Variants in CXADR observed in about 807,000 individuals in gnomAD.
CXADR encodes coxsackievirus and adenovirus receptor.
CXADR carries 20 observed loss-of-function variants against 40.3 expected under a neutral mutation model. The ratio of observed to expected loss-of-function variants is 0.50; its 90% CI spans 0.35 to 0.72. CXADR has a LOEUF of 0.72. Among genes scored for constraint, CXADR ranks in the 30% least tolerant of loss-of-function variants. The pLI is 0.01. For missense variants in CXADR, 332 were observed against 449.1 expected, an observed-to-expected ratio of 0.74 and a Z score of 2.36; for synonymous variants, 150 against 161.3, an observed-to-expected ratio of 0.93 and a Z score of 0.53.
chr21:17,561,345 T>C lies in CXADR; in HGVS notation c.702T>C (p.Asn234=). Residue 234 remains asparagine, a synonymous_variant, in exon 6 of 7, where the codon AAT becomes AAC. Coordinates refer to ENST00000284878, the MANE Select transcript of CXADR (RefSeq NM_001338.5). ...LLRLNVVPPS[N]KAGLIAGAII... ...TAATTCTTCTTATTTTAGCTTCAAA[T>C]AAAGCTGGACTAATTGCAGGAGCCA... 1.3e-6 allele frequency: 2 copies of C among 1,568,494 alleles called. No homozygotes were observed. Among genetic ancestry groups the C allele is most frequent in the Non-Finnish European group, 1.7e-6 (2 of 1,157,508 alleles).
At chr21:17,616,076 C>T in the CXADR span, among the ~76,000 whole-genome samples, 3 of 151,846 alleles carry the variant, frequency 2.0e-5, no homozygotes, top group Non-Finnish European at 2.9e-5. Context: ...CATGGTGAAA[C>T]CCCATCTCTA....
In CXADR at chr21:17,566,877, G is replaced by A. The variant is rs1842949298; in HGVS notation, c.*1185G>A. 4.0e-5 allele frequency: 39 copies of A among 983,830 alleles called. No individual in the cohort carries two copies. Among genetic ancestry groups the A allele is most frequent in the Non-Finnish European group, 4.6e-5 (38 of 829,216 alleles). 60.9% of individuals were successfully genotyped at this position (983,830 alleles called of 1,614,324 possible). ...CTGTTGTGTGATCAAACATGTCTCT[G>A]TGTAGTTCCAGCAAATCAAGCTGAG... On this transcript the variant is annotated 3_prime_UTR_variant, in exon 7 of 7. Transcript: ENST00000284878.
chr21:17,613,008 G>A, the CXADR span: 1 of 151,974 alleles, frequency 6.6e-6, no homozygotes, highest in Non-Finnish European at 1.5e-5. Flanking sequence ...CGCGCCTGAG[G>A]GGCGGTGCCG....
At chr21:17,572,382 A>AG (rs200582898), downstream of CXADR, among the ~76,000 whole-genome samples, 3 of 144,910 alleles carry the variant, frequency 2.1e-5, no homozygotes, top group South Asian at 2.2e-4. Flanking sequence ...AAAAAAAAAA[A>AG]AGGGGCAGTA....
Position 17,580,368 on chromosome 21 carries a change from C to T in CXADR, c.1018-12784C>T, listed in dbSNP as rs963400929. ...GCGTGTTGGCTAACACCTATAATCC[C>T]GGCACTTTGGGAGGCCGAGGCAGGC... is the stretch of plus-strand genomic sequence containing the variant. On this transcript the variant is annotated intron_variant, in intron 7 of 7. Coordinates refer to the CXADR transcript ENST00000400169. Among the ~76,000 whole-genome samples the T allele has an allele frequency of 8.5e-5, 13 of 152,130 alleles. No individual in the cohort carries two copies. The South Asian group carries it at 1.7e-3, about 19-fold the overall frequency.
At chr21:17,594,139 C>A, downstream of CXADR, 1 of 1,613,182 alleles carries the variant, frequency 6.2e-7, no homozygotes, top group East Asian at 2.2e-5. Flanking sequence ...ATTCCGGTCA[C>A]AATGCATTCC....
In CXADR at chr21:17,567,857, C is replaced by G; in HGVS notation, c.*2165C>G. 3 of 924,488 alleles carry G rather than the reference C, an allele frequency of 3.2e-6. No homozygotes were observed. Among genetic ancestry groups the G allele is most frequent in the Non-Finnish European group, 3.8e-6 (3 of 786,462 alleles). 57.3% of individuals were successfully genotyped at this position (924,488 alleles called of 1,614,324 possible). ...AGAAAGTGGACACGTATAAGACTTTCCTTCCTTTTTTTTTTTAATAACATA... is the reference window on the plus strand; with the variant it reads ...AGAAAGTGGACACGTATAAGACTTTGCTTCCTTTTTTTTTTTAATAACATA... On this transcript the variant is annotated 3_prime_UTR_variant, in exon 7 of 7. Transcript: ENST00000284878.
chr21:17,587,237 C>A (rs978446477), intron 7 of CXADR, among the ~76,000 whole-genome samples: 20 of 152,104 alleles, frequency 1.3e-4, no homozygotes, highest in African/African-American at 4.6e-4. Flanking sequence ...GATTTATAAT[C>A]CTTTGGGTAT....
At chr21:17,560,628 G>T in intron 4 of CXADR, 74 bp from the exon 5 acceptor site, 2 of 1,442,212 alleles carry the variant, frequency 1.4e-6, no homozygotes, top group Non-Finnish European at 9.6e-7. Context: ...ATTTGGAGAG[G>T]ACTATGTTTA....
At chr21:17,593,132 C>T in intron 7 of CXADR, 1 of 1,398,610 alleles carries the variant, frequency 7.1e-7, no homozygotes, top group Non-Finnish European at 9.4e-7. Flanking sequence ...ATAGAGATAT[C>T]TCTTTTTTTC....
chr21:17,530,350 G>A (rs1479710268), intron 1 of CXADR: 12 of 445,668 alleles, frequency 2.7e-5, no homozygotes, highest in Non-Finnish European at 4.9e-5. Context: ...TTTACAGTTT[G>A]TGTTTTTTGT....
At chr21:17,550,217 G>A (rs541406985) in intron 2 of CXADR, among the ~76,000 whole-genome samples, 1 of 152,102 alleles carries the variant, frequency 6.6e-6, no homozygotes, top group East Asian at 1.9e-4. Context: ...TAGCAGACGT[G>A]GTGGTGGGCA....
the CXADR span, among the ~76,000 whole-genome samples, chr21:17,603,679 A>T: frequency 6.6e-6 from 1 of 152,232 alleles, no homozygotes; most frequent in Non-Finnish European, 1.5e-5. Context: ...GCAGAGCCAC[A>T]GGAAAATTCT....
Position 17,569,270 on chromosome 21 carries a change from T to C in CXADR, c.*3578T>C, listed in dbSNP as rs2061254313. 1.0e-6 allele frequency: 1 copy of C among 985,390 alleles called. No individual in the cohort carries two copies. Among genetic ancestry groups the C allele is most frequent in the Non-Finnish European group, 1.2e-6 (1 of 829,924 alleles). The allele number at this position is 985,390 out of a possible 1,614,324, so 61.0% of individuals were successfully genotyped here. On this transcript the variant is annotated 3_prime_UTR_variant, in exon 7 of 7. Transcript: ENST00000284878. ...CCAGTGTGAACAGAAAAAGTTCATATTTTATGTGGTTAATGCTTTGATGTG... is the reference window on the plus strand; with the variant it reads ...CCAGTGTGAACAGAAAAAGTTCATACTTTATGTGGTTAATGCTTTGATGTG...
chr21:17,561,572 T>C, intron 6 of CXADR, 96 bp downstream of exon 6: 1 of 1,074,910 alleles, frequency 9.3e-7, no homozygotes. Flanking sequence ...AGCATCTTTC[T>C]TAGGAGAATG....
chr21:17,577,811 T>A (rs1382869237), intron 7 of CXADR, among the ~76,000 whole-genome samples: 1 of 151,960 alleles, frequency 6.6e-6, no homozygotes. Context: ...CATTTCTCCC[T>A]CCCCGTTTCT....
At chr21:17,551,664 G>A in intron 2 of CXADR, 85 bp from the exon 3 acceptor site, 1 of 1,154,300 alleles carries the variant, frequency 8.7e-7, no homozygotes, top group Non-Finnish European at 1.2e-6. Context: ...TTCTGTAGCA[G>A]CAGGTGTATC....
the CXADR span, among the ~76,000 whole-genome samples, chr21:17,634,432 T>C: frequency 6.6e-6 from 1 of 152,310 alleles, no homozygotes; most frequent in South Asian, 2.1e-4. Context: ...CTTTTCGGAG[T>C]AAAATTATTA....
intron 1 of CXADR, chr21:17,530,454 T>C (rs1349478015): frequency 4.4e-6 from 2 of 455,100 alleles, no homozygotes; most frequent in African/African-American, 2.0e-5. Flanking sequence ...TATGTGACTG[T>C]ATCACAATTG....
Sources: allele counts gnomAD v4.1 joint callset (sites outside exome capture counted in the v4.1 genomes callset), GRCh38; gene constraint gnomAD v4.1.1; transcripts MANE v1.5; gene names NCBI Gene and HGNC (gene_info 2026-07-23, HGNC 2026-07-21).